The following RERG variants were observed in gnomAD, a reference collection of about 807,000 sequenced individuals.
RERG encodes the protein ras-related and estrogen-regulated growth inhibitor.
Under a neutral mutation model 23.2 loss-of-function variants are expected in RERG, and 25 were observed. That is an observed-to-expected ratio of 1.08 (90% confidence interval 0.79 to 1.50). RERG has a LOEUF of 1.50. Ranked by LOEUF, RERG falls within the 40% of genes most tolerant of loss-of-function variation. RERG has a pLI of 0.00. For synonymous variants in RERG, 81 were observed against 89.1 expected, an observed-to-expected ratio of 0.91 and a Z score of 0.51; for missense variants, 253 against 250.1, an observed-to-expected ratio of 1.01 and a Z score of -0.08.
rs772495674 is a variant in RERG, at chr12:15,121,139, C to T, written c.62-20G>A. The stretch of plus-strand genomic sequence containing the variant: ...CAAGAGCTGTGGAAGAAAAGAGCAA[C>T]ATTTCAAAAAATAATTTGTTAATTT... On this transcript the variant is annotated intron_variant, in intron 2 of 4. Coordinates refer to ENST00000256953, the MANE Select transcript of RERG (RefSeq NM_032918.3). The T allele has an allele frequency of 2.5e-6, 4 of 1,603,790 alleles. No homozygotes were observed. Among genetic ancestry groups the T allele is most frequent in the Non-Finnish European group, 3.4e-6 (4 of 1,171,868 alleles).
chr12:15,175,620 A>C (rs1864840399), intron 2 of RERG, among the ~76,000 whole-genome samples: 1 of 151,888 alleles, frequency 6.6e-6, no homozygotes, highest in Non-Finnish European at 1.5e-5. Context: ...TCTACGTTTT[A>C]AGTTTCTGGC....
At chr12:15,218,595 A>G (rs1865474254) in intron 1 of RERG, among the ~76,000 whole-genome samples, 1 of 152,098 alleles carries the variant, frequency 6.6e-6, no homozygotes, top group Admixed American at 6.5e-5. Flanking sequence ...CTATCTTTCT[A>G]ATATTGAGCT....
chr12:15,126,773 A>G (rs1207958060), intron 2 of RERG, among the ~76,000 whole-genome samples: 1 of 129,990 alleles, frequency 7.7e-6, no homozygotes, highest in Non-Finnish European at 1.5e-5. Context: ...CCCAGGCTGG[A>G]GTGGCGCAAT....
chr12:15,132,207 T>C (rs1864060017), intron 2 of RERG, among the ~76,000 whole-genome samples: 1 of 152,192 alleles, frequency 6.6e-6, no homozygotes, highest in Non-Finnish European at 1.5e-5. Context: ...TCATTTCCAG[T>C]ACTACAAAGG....
At chr12:15,176,867 C>T (rs1308980814) in intron 2 of RERG, among the ~76,000 whole-genome samples, 2 of 152,134 alleles carry the variant, frequency 1.3e-5, no homozygotes, top group Non-Finnish European at 2.9e-5. Flanking sequence ...GATATCTGAT[C>T]ATTTGGTAAA....
chr12:15,220,677 C>T (rs981908127), intron 1 of RERG, among the ~76,000 whole-genome samples: 2 of 152,112 alleles, frequency 1.3e-5, no homozygotes, highest in Non-Finnish European at 2.9e-5. Flanking sequence ...TGTTTGCATG[C>T]GCTCATCAAA....
intron 2 of RERG, among the ~76,000 whole-genome samples, chr12:15,137,081 G>A (rs1385455908): frequency 6.6e-6 from 1 of 151,516 alleles, no homozygotes; most frequent in Non-Finnish European, 1.5e-5. Flanking sequence ...TTTAATATAT[G>A]GGCCTCTCTT....
chr12:15,191,914 A>C (rs576417606), intron 2 of RERG, among the ~76,000 whole-genome samples: 11 of 152,318 alleles, frequency 7.2e-5, no homozygotes, highest in Admixed American at 3.3e-4. Context: ...CCTAAGGCTA[A>C]TGGTGACCTG....
chr12:15,202,247 C>T (rs1198767629), intron 2 of RERG, among the ~76,000 whole-genome samples: 1 of 151,714 alleles, frequency 6.6e-6, no homozygotes, highest in East Asian at 1.9e-4. Context: ...CAAAAGTTTC[C>T]TTGTGTTCCT....
At chr12:15,127,585 A>T (rs1019424647) in intron 2 of RERG, among the ~76,000 whole-genome samples, 4 of 152,138 alleles carry the variant, frequency 2.6e-5, no homozygotes, top group Non-Finnish European at 5.9e-5. Context: ...ATTTAACTCC[A>T]ACTCTTAAGT....
At chr12:15,179,669 T>C (rs745636785) in intron 2 of RERG, among the ~76,000 whole-genome samples, 1 of 152,152 alleles carries the variant, frequency 6.6e-6, no homozygotes, top group Non-Finnish European at 1.5e-5. Flanking sequence ...CATTAAGAGA[T>C]GTGAGAAAAT....
intron 2 of RERG, among the ~76,000 whole-genome samples, chr12:15,130,194 C>T (rs1265909397): frequency 6.6e-6 from 1 of 152,088 alleles, no homozygotes; most frequent in Admixed American, 6.5e-5. Flanking sequence ...CTAGGCACTG[C>T]CCCATAAGCA....
At chr12:15,220,874 G>A (rs1865503260) in intron 1 of RERG, among the ~76,000 whole-genome samples, 1 of 152,146 alleles carries the variant, frequency 6.6e-6, no homozygotes, top group African/African-American at 2.4e-5. Flanking sequence ...TAAGCCCCTT[G>A]GCTATTTAAT....
intron 2 of RERG, among the ~76,000 whole-genome samples, chr12:15,138,767 T>C (rs1864184795): frequency 6.6e-6 from 1 of 152,010 alleles, no homozygotes; most frequent in South Asian, 2.1e-4. Flanking sequence ...GGCTCATCTT[T>C]TCATTCTATT....
chr12:15,180,556 C>T (rs1864909757), intron 2 of RERG, among the ~76,000 whole-genome samples: 2 of 152,300 alleles, frequency 1.3e-5, no homozygotes, highest in African/African-American at 4.8e-5. Flanking sequence ...AAAGCAAAAC[C>T]CCACACCCAT....
intron 2 of RERG, among the ~76,000 whole-genome samples, chr12:15,166,576 G>A (rs1333724936): frequency 6.6e-6 from 1 of 151,854 alleles, no homozygotes; most frequent in East Asian, 1.9e-4. Context: ...TGGTGGTGGT[G>A]GTGGTAGGGG....
rs543463036 is a variant in RERG, at chr12:15,207,834, G to A, written c.61+9595C>T. The stretch of plus-strand genomic sequence containing the variant: ...AGGAGAGGGATTTATCATGCTCTAC[G>A]TGACACTGAGGGGATAAAGTTAAAG... On this transcript the variant is annotated intron_variant, in intron 2 of 4. Transcript: ENST00000256953. Among the ~76,000 whole-genome samples, 5 of 152,218 alleles carry A rather than the reference G, an allele frequency of 3.3e-5. No homozygotes were observed. The South Asian group carries it at 1.0e-3, about 32-fold the overall frequency.
intron 2 of RERG, among the ~76,000 whole-genome samples, chr12:15,147,978 G>A (rs939988748): frequency 3.3e-5 from 5 of 152,064 alleles, no homozygotes; most frequent in African/African-American, 9.7e-5. Context: ...GTGGTTAGAC[G>A]CAAGAAAACA....
At chr12:15,197,149 AC>A (rs1379864263) in intron 2 of RERG, among the ~76,000 whole-genome samples, 1 of 152,216 alleles carries the variant, frequency 6.6e-6, no homozygotes, top group Non-Finnish European at 1.5e-5. Context: ...AGACAAACAC[AC>A]AAAAATGCCT....
Sources: allele counts gnomAD v4.1 joint callset (sites outside exome capture counted in the v4.1 genomes callset), GRCh38; gene constraint gnomAD v4.1.1; transcripts MANE v1.5; gene names NCBI Gene and HGNC (gene_info 2026-07-23, HGNC 2026-07-21).